The following SCO1 variants were observed in gnomAD, a reference collection of about 807,000 sequenced individuals.
SCO1 encodes the protein cytochrome c oxidase assembly factor SCO1.
SCO1 carries 23 observed loss-of-function variants against 34.0 expected under a neutral mutation model. The observed-to-expected ratio is 0.68, with a 90% CI of 0.49 to 0.96. The LOEUF (loss-of-function observed/expected upper bound fraction) is 0.96. SCO1 is among the 40% of genes least tolerant of loss of function. The pLI is 0.00. For missense variants in SCO1, 404 were observed against 381.6 expected, an observed-to-expected ratio of 1.06 and a Z score of -0.49; for synonymous variants, 161 against 145.5, an observed-to-expected ratio of 1.11 and a Z score of -0.77.
chr17:10,685,941 C>G (rs554382141), intron 5 of SCO1, among the ~76,000 whole-genome samples: 1 of 152,180 alleles, frequency 6.6e-6, no homozygotes, highest in Non-Finnish European at 1.5e-5. Flanking sequence ...TAAAAAACTG[C>G]TTCTGGCTGG....
In SCO1 at chr17:10,697,464, A is replaced by C. The variant is rs1221424781; in HGVS notation, c.44T>G (p.Leu15Arg). The C allele has an allele frequency of 6.2e-7, 1 of 1,613,282 alleles. No homozygotes were observed. The highest frequency in any genetic ancestry group is 1.1e-5 in the South Asian group (1 of 91,022). Residue 15 changes from leucine (L) to arginine (R), a missense_variant, in exon 1 of 6, where the codon CTG becomes CGG. Coordinates refer to ENST00000255390, the MANE Select transcript of SCO1 (RefSeq NM_004589.4). The part of the protein sequence containing the change: ...VLVPGRVMRP[L>R]GGQLWRFLPR... Reference sequence around the variant, plus strand: ...CAAGAAGCGCCAAAGTTGGCCACCCAGAGGCCGCATAACTCGTCCGGGTAC... The same window carrying C: ...CAAGAAGCGCCAAAGTTGGCCACCCCGAGGCCGCATAACTCGTCCGGGTAC...
At position 10,689,674 on chromosome 17, in the gene SCO1, T is replaced by C. The variant is rs968835098; in HGVS notation, c.655+2198A>G. Among the ~76,000 whole-genome samples, 10 of 152,306 alleles carry C rather than the reference T, an allele frequency of 6.6e-5. No homozygotes were observed. The South Asian group carries it at 8.3e-4, about 13-fold the overall frequency. ...GAGGTGTTTGATTGAAATTCCTCCA[T>C]TGAAAGTAATACCTTCCTTAGAAGC... is the stretch of plus-strand genomic sequence containing the variant. On this transcript the variant is annotated intron_variant, in intron 4 of 5. Coordinates refer to ENST00000255390, the MANE Select transcript of SCO1 (RefSeq NM_004589.4).
At chr17:10,689,973 A>G (rs2074680470) in intron 4 of SCO1, among the ~76,000 whole-genome samples, 1 of 152,228 alleles carries the variant, frequency 6.6e-6, no homozygotes, top group African/African-American at 2.4e-5. Context: ...AAGAAACGGC[A>G]CTAGGAAAAC....
rs1214861857 is a variant in SCO1, at chr17:10,677,773, A to G, written c.*3346T>C. 2.0e-5 allele frequency: 3 copies of G among 152,224 alleles called. No individual in the cohort carries two copies. Among genetic ancestry groups the G allele is most frequent in the Non-Finnish European group, 2.9e-5 (2 of 68,052 alleles). 9.4% of individuals were successfully genotyped at this position (152,224 alleles called of 1,614,324 possible). ...TTAATTCTATTGAAGAGTCTAGTGA[A>G]AACACTGTAACCCACCCAGGTAAAG... is the stretch of plus-strand genomic sequence containing the variant. On this transcript the variant is annotated 3_prime_UTR_variant, in exon 6 of 6. Transcript: ENST00000255390.
Position 10,677,291 on chromosome 17 carries a change from G to A in SCO1, c.*3828C>T, listed in dbSNP as rs550390839. On this transcript the variant is annotated 3_prime_UTR_variant, in exon 6 of 6. Coordinates refer to ENST00000255390, the MANE Select transcript of SCO1 (RefSeq NM_004589.4). ...CATTATTGCATTCCAGCCTGCGTGA[G>A]AAGAGCGAGACTCCATCTCAAAAAG... The A allele has an allele frequency of 3.0e-4, 46 of 152,164 alleles. No homozygotes were observed. The highest frequency in any genetic ancestry group is 1.1e-3 in the African/African-American group (45 of 41,496). The allele number at this position is 152,164 out of a possible 1,614,324, so 9.4% of individuals were successfully genotyped here.
At chr17:10,690,803 G>T (rs925851319) in intron 4 of SCO1, among the ~76,000 whole-genome samples, 1 of 152,144 alleles carries the variant, frequency 6.6e-6, no homozygotes, top group Non-Finnish European at 1.5e-5. Context: ...ATCAACAGGT[G>T]AATGGATAAA....
Position 10,676,881 on chromosome 17 carries a change from T to C in SCO1, c.*4238A>G, listed in dbSNP as rs2074584095. 1 of 152,206 alleles carries C rather than the reference T, an allele frequency of 6.6e-6. No homozygotes were observed. The highest frequency in any genetic ancestry group is 2.4e-5 in the African/African-American group (1 of 41,452). The allele number at this position is 152,206 out of a possible 1,614,324, so 9.4% of individuals were successfully genotyped here. A position where few individuals can be genotyped will look rare whatever the true frequency, so the allele number is the denominator to read the frequency against. Reference sequence around the variant, plus strand: ...CATTGGAAAAGTATATAGAAAATAATTACCCCTATAAGGTCTAAAGGTGTT... The same window carrying C: ...CATTGGAAAAGTATATAGAAAATAACTACCCCTATAAGGTCTAAAGGTGTT... On this transcript the variant is annotated 3_prime_UTR_variant, in exon 6 of 6. Coordinates refer to ENST00000255390, the MANE Select transcript of SCO1 (RefSeq NM_004589.4).
intron 3 of SCO1, among the ~76,000 whole-genome samples, chr17:10,692,401 A>G (rs1208413272): frequency 2.0e-5 from 3 of 152,222 alleles, no homozygotes; most frequent in Non-Finnish European, 2.9e-5. Flanking sequence ...CTTCCTTCTT[A>G]CTAGTACTAG....
chr17:10,690,970 T>A (rs1266242228), intron 4 of SCO1, among the ~76,000 whole-genome samples: 1 of 152,146 alleles, frequency 6.6e-6, no homozygotes, highest in Non-Finnish European at 1.5e-5. Context: ...TATTCATACG[T>A]GGAAACTAAA....
At chr17:10,686,655 G>A (rs992037441) in intron 5 of SCO1, 72 bp downstream of exon 5, 2 of 903,260 alleles carry the variant, frequency 2.2e-6, no homozygotes, top group Non-Finnish European at 3.8e-6. Context: ...AAGCTAGTCA[G>A]TCATTGAAAG....
chr17:10,688,762 A>G (rs1433079408), intron 4 of SCO1, among the ~76,000 whole-genome samples: 1 of 152,256 alleles, frequency 6.6e-6, no homozygotes, highest in Non-Finnish European at 1.5e-5. Context: ...ACTATTAGTC[A>G]GCAACAAAAA....
intron 5 of SCO1, among the ~76,000 whole-genome samples, chr17:10,682,733 A>G (rs2074630484): frequency 6.6e-6 from 1 of 152,238 alleles, no homozygotes; most frequent in Admixed American, 6.5e-5. Context: ...ACAGAGGTCT[A>G]CAGAGGTCTT....
rs2074589891 is a variant in SCO1 at position 10,677,600 on chromosome 17, A to G, written c.*3519T>C. On this transcript the variant is annotated 3_prime_UTR_variant, in exon 6 of 6. Coordinates refer to ENST00000255390, the MANE Select transcript of SCO1 (RefSeq NM_004589.4). Reference sequence around the variant, plus strand: ...TAAAATCATTAGCCTCCCAACTCGCATATTTTACTGGTAGTCAGTAAATCT... The same window carrying G: ...TAAAATCATTAGCCTCCCAACTCGCGTATTTTACTGGTAGTCAGTAAATCT... 6.6e-6 allele frequency: 1 copy of G among 152,196 alleles called. No individual in the cohort carries two copies. The highest frequency in any genetic ancestry group is 2.4e-5 in the African/African-American group (1 of 41,440). The allele number at this position is 152,196 out of a possible 1,614,324, so 9.4% of individuals were successfully genotyped here.
At chr17:10,694,838 T>C (rs1358895101) in intron 2 of SCO1, among the ~76,000 whole-genome samples, 2 of 152,162 alleles carry the variant, frequency 1.3e-5, no homozygotes, top group African/African-American at 4.8e-5. Context: ...TACTACTTAT[T>C]ATGCCAAAGA....
At chr17:10,681,400 T>A in intron 5 of SCO1, 147 bp from the exon 6 acceptor site, 1 of 878,430 alleles carries the variant, frequency 1.1e-6, no homozygotes, top group Non-Finnish European at 1.8e-6. Flanking sequence ...GGCTTAAGTC[T>A]ATCATAGCAA....
rs1344947739 is a variant in SCO1 at position 10,679,354 on chromosome 17, T to C, written c.*1765A>G. 6.6e-6 allele frequency: 1 copy of C among 152,262 alleles called. No homozygotes were observed. The highest frequency in any genetic ancestry group is 1.9e-4 in the East Asian group (1 of 5,204). 9.4% of individuals were successfully genotyped at this position (152,262 alleles called of 1,614,324 possible). Reference sequence around the variant, plus strand: ...GACCCTATCTCCAATTACAGTCACATTCTGAAGTACTGAGATTAGGGCTTC... The same window carrying C: ...GACCCTATCTCCAATTACAGTCACACTCTGAAGTACTGAGATTAGGGCTTC... On this transcript the variant is annotated 3_prime_UTR_variant, in exon 6 of 6. Transcript: ENST00000255390.
At position 10,691,853 on chromosome 17, in the gene SCO1, GTAT is replaced by G; in HGVS notation, c.655+16_655+18del. 6.7e-7 allele frequency: 1 copy of G among 1,493,024 alleles called. No homozygotes were observed. The highest frequency in any genetic ancestry group is 9.3e-7 in the Non-Finnish European group (1 of 1,070,380). 92.5% of individuals were successfully genotyped at this position (1,493,024 alleles called of 1,614,324 possible). On this transcript the variant is annotated intron_variant, in intron 4 of 5. Coordinates refer to ENST00000255390, the MANE Select transcript of SCO1 (RefSeq NM_004589.4). ...AACTTTAAGGCTAAATAAATGTAAA[GTAT>G]TATTTAAAAAAATACCTTTCACATA...
In SCO1 at chr17:10,674,108, G is replaced by C. The variant is rs1056496949; in HGVS notation, c.*7011C>G. 2 of 152,570 alleles carry C rather than the reference G, an allele frequency of 1.3e-5. No individual in the cohort carries two copies. Among genetic ancestry groups the C allele is most frequent in the African/African-American group, 4.8e-5 (2 of 41,432 alleles). 9.5% of individuals were successfully genotyped at this position (152,570 alleles called of 1,614,324 possible). A position where few individuals can be genotyped will look rare whatever the true frequency, so the allele number is the denominator to read the frequency against. On this transcript the variant is annotated 3_prime_UTR_variant, in exon 6 of 6. Coordinates refer to ENST00000255390, the MANE Select transcript of SCO1 (RefSeq NM_004589.4). ...TCCATGTGCCTAAGACTGAGGTGGG[G>C]ATCTTGTTAAAATACAGACTGTGGG...
chr17:10,688,275 A>G (rs1277266107), intron 4 of SCO1, among the ~76,000 whole-genome samples: 1 of 152,258 alleles, frequency 6.6e-6, no homozygotes, highest in Non-Finnish European at 1.5e-5. Flanking sequence ...TGTATCCAGA[A>G]TATAAATAAT....
Sources: allele counts gnomAD v4.1 joint callset (sites outside exome capture counted in the v4.1 genomes callset), GRCh38; gene constraint gnomAD v4.1.1; transcripts MANE v1.5; gene names NCBI Gene and HGNC (gene_info 2026-07-23, HGNC 2026-07-21).